KAZN: variants seen among roughly 807,000 people sequenced by gnomAD.
KAZN encodes the protein kazrin, periplakin interacting protein.
A neutral mutation model predicts 87.4 loss-of-function variants in KAZN; 40 were observed. That is an observed-to-expected ratio of 0.46 (90% CI 0.36 to 0.60). The LOEUF is 0.60. Ranked by LOEUF, KAZN falls within the 20% of genes least tolerant of loss-of-function variation. KAZN has a pLI of 0.00. For synonymous variants in KAZN, 466 were observed against 458.3 expected (o/e 1.02, Z -0.22); for missense variants, 898 against 1,073.9 (o/e 0.84, Z 2.29).
chr1:14,577,845 C>T (rs1430155465), intron 2 of KAZN, among the ~76,000 whole-genome samples: 2 of 152,164 alleles, frequency 1.3e-5, no homozygotes, highest in African/African-American at 4.8e-5. Context: ...TTATCATGCC[C>T]ATTTCACAGA....
chr1:14,717,905 G>A (rs1454484479), intron 1 of KAZN, among the ~76,000 whole-genome samples: 2 of 152,164 alleles, frequency 1.3e-5, no homozygotes, highest in Non-Finnish European at 2.9e-5. Context: ...CAAGTTTGAT[G>A]GCTACCATCT....
At chr1:14,954,817 G>T (rs11582277) in intron 1 of KAZN, among the ~76,000 whole-genome samples, 3 of 152,074 alleles carry the variant, frequency 2.0e-5, no homozygotes, top group Non-Finnish European at 2.9e-5. Context: ...TTAGCTGGGC[G>T]TGGTGGCAGG....
intron 2 of KAZN, among the ~76,000 whole-genome samples, chr1:14,195,622 C>G (rs1365742485): frequency 6.6e-6 from 1 of 151,902 alleles, no homozygotes; most frequent in African/African-American, 2.4e-5. Flanking sequence ...GGAAAACTTA[C>G]ATCTGAGAAA....
chr1:14,113,380 G>A (rs988737354), intron 1 of KAZN, among the ~76,000 whole-genome samples: 7 of 152,146 alleles, frequency 4.6e-5, no homozygotes, highest in Non-Finnish European at 7.3e-5. Flanking sequence ...ATTCTCAGCT[G>A]AGTTTTCCAA....
chr1:13,986,571 C>G (rs1228755459), intron 1 of KAZN, among the ~76,000 whole-genome samples: 1 of 152,034 alleles, frequency 6.6e-6, no homozygotes. Context: ...CTATTTTTGG[C>G]TAAATGTAAA....
At chr1:14,505,230 C>T (rs903009732) in intron 2 of KAZN, among the ~76,000 whole-genome samples, 1 of 152,172 alleles carries the variant, frequency 6.6e-6, no homozygotes, top group Admixed American at 6.5e-5. Flanking sequence ...ATGGGCCAGC[C>T]GAGGCCAGTG....
intron 2 of KAZN, among the ~76,000 whole-genome samples, chr1:14,288,661 T>C (rs914493740): frequency 1.3e-5 from 2 of 152,334 alleles, no homozygotes; most frequent in South Asian, 2.1e-4. Context: ...TGAAGGGTTT[T>C]TTTGTGTCTC....
intron 1 of KAZN, among the ~76,000 whole-genome samples, chr1:14,060,191 G>A (rs1020602065): frequency 3.3e-5 from 5 of 151,842 alleles, no homozygotes; most frequent in African/African-American, 4.8e-5. Flanking sequence ...GTGAAACCCC[G>A]TCTCTACTAA....
At chr1:14,891,887 G>A (rs1338234315) in intron 1 of KAZN, among the ~76,000 whole-genome samples, 1 of 152,060 alleles carries the variant, frequency 6.6e-6, no homozygotes, top group Non-Finnish European at 1.5e-5. Flanking sequence ...GGGTGGGATG[G>A]GGCAGTAAGA....
intron 2 of KAZN, among the ~76,000 whole-genome samples, chr1:14,422,614 G>C (rs548701774): frequency 8.8e-4 from 134 of 152,354 alleles, no homozygotes; most frequent in Non-Finnish European, 1.6e-3. Context: ...GCCCCCTGAA[G>C]GGTTGAAAAC....
chr1:14,596,521 C>A (rs575604177), upstream of KAZN, among the ~76,000 whole-genome samples: 8 of 152,326 alleles, frequency 5.3e-5, no homozygotes, highest in South Asian at 1.7e-3. Context: ...CCGTGTTGTG[C>A]CACCACCACC....
chr1:14,389,055 T>C (rs1402316895), intron 2 of KAZN, among the ~76,000 whole-genome samples: 3 of 152,198 alleles, frequency 2.0e-5, no homozygotes, highest in African/African-American at 4.8e-5. Context: ...TGAATAGACA[T>C]TTCTCAAAAG....
At chr1:14,268,056 C>G (rs182728756) in intron 2 of KAZN, among the ~76,000 whole-genome samples, 32 of 152,290 alleles carry the variant, frequency 2.1e-4, no homozygotes, top group Non-Finnish European at 3.4e-4. Context: ...TTGAGCCCAG[C>G]CTCTGGCTCA....
chr1:14,463,975 G>A (rs376160627), intron 2 of KAZN, among the ~76,000 whole-genome samples: 21 of 152,322 alleles, frequency 1.4e-4, no homozygotes, highest in Admixed American at 3.3e-4. Context: ...CCCTTAGGCC[G>A]TATCATTTTC....
rs570828146 is a variant in KAZN at position 14,526,609 on chromosome 1, C to T, written c.250-72374C>T. ...ATGTAAGTGAATATTTTTGTTCCTC[C>T]TTCATTCTTATCTCCCTGCTCTTGA... is the stretch of plus-strand genomic sequence containing the variant. On this transcript the variant is annotated intron_variant, in intron 2 of 16. Coordinates refer to the KAZN transcript ENST00000636203. Among the ~76,000 whole-genome samples the T allele has an allele frequency of 2.6e-5, 4 of 152,266 alleles. No homozygotes were observed. In the South Asian group the frequency reaches 8.3e-4, roughly 32 times the overall value.
At chr1:14,005,727 A>G (rs1640008074) in intron 1 of KAZN, among the ~76,000 whole-genome samples, 1 of 152,236 alleles carries the variant, frequency 6.6e-6, no homozygotes, top group Admixed American at 6.5e-5. Context: ...GAAGGTAAGC[A>G]GATTGCAGAT....
intron 1 of KAZN, among the ~76,000 whole-genome samples, chr1:14,649,471 C>T (rs1055488175): frequency 1.3e-5 from 2 of 152,114 alleles, no homozygotes; most frequent in Non-Finnish European, 2.9e-5. Flanking sequence ...TAACGGTTCA[C>T]GTTACACCTC....
At chr1:14,022,658 G>T (rs1640899979) in intron 1 of KAZN, among the ~76,000 whole-genome samples, 1 of 152,020 alleles carries the variant, frequency 6.6e-6, no homozygotes, top group Non-Finnish European at 1.5e-5. Flanking sequence ...CTTGAGTAGT[G>T]GTCTCAAGTG....
chr1:14,782,554 CAAAAAAAAAAAAAAAAA>C (rs71572122), intron 1 of KAZN, among the ~76,000 whole-genome samples: 2 of 66,252 alleles, frequency 3.0e-5, no homozygotes, highest in Non-Finnish European at 5.5e-5. Flanking sequence ...CCTCAAAGAG[CAAAAAAAAAAAAAAAAA>C]AAAAAAAGAA....
Sources: allele counts gnomAD v4.1 joint callset (sites outside exome capture counted in the v4.1 genomes callset), GRCh38; gene constraint gnomAD v4.1.1; transcripts MANE v1.5; gene names NCBI Gene and HGNC (gene_info 2026-07-23, HGNC 2026-07-21).